The following ESRRG variants were observed in gnomAD, a reference collection of about 807,000 sequenced individuals.
The protein encoded by ESRRG is estrogen-related receptor gamma.
ESRRG carries 13 observed loss-of-function variants against 44.0 expected under a neutral mutation model. That is an observed-to-expected ratio of 0.30 (90% confidence interval 0.19 to 0.47). The LOEUF (loss-of-function observed/expected upper bound fraction) is 0.47. ESRRG is among the 20% of genes least tolerant of loss of function. ESRRG has a pLI of 1.00. For synonymous variants in ESRRG, 215 were observed against 214.6 expected (o/e 1.00, Z -0.02); for missense variants, 395 against 580.6 (o/e 0.68, Z 3.29).
At chr1:216,970,437 C>T (rs905400090) in intron 1 of ESRRG, among the ~76,000 whole-genome samples, 14 of 152,162 alleles carry the variant, frequency 9.2e-5, no homozygotes, top group Non-Finnish European at 8.8e-5. Flanking sequence ...TGCCTCCTGA[C>T]GGAATTTTTA....
At chr1:216,509,565 T>C (rs1306350098) in intron 6 of ESRRG, among the ~76,000 whole-genome samples, 1 of 152,140 alleles carries the variant, frequency 6.6e-6, no homozygotes. Context: ...GCAGGAGATA[T>C]ATTATAGGAT....
rs920800852 is a variant in ESRRG, at chr1:216,532,876, A to C, written c.863-13455T>G. ...AACAAATATCCAGAAGTTATGTGTA[A>C]ATCACAACGAGGTTGGGGGTTTTCT... On this transcript the variant is annotated intron_variant, in intron 5 of 6. Coordinates refer to ENST00000408911, the MANE Select transcript of ESRRG (RefSeq NM_001438.4). Among the ~76,000 whole-genome samples, 68 of 152,190 alleles carry C rather than the reference A, an allele frequency of 4.5e-4. 1 individual carries two copies. Among genetic ancestry groups the C allele is most frequent in the Admixed American group, 6.6e-5 (1 of 15,262 alleles).
chr1:217,012,478 T>G (rs1240721950), intron 1 of ESRRG, among the ~76,000 whole-genome samples: 1 of 152,172 alleles, frequency 6.6e-6, no homozygotes, highest in African/African-American at 2.4e-5. Context: ...GCATTTGAAA[T>G]AGCTCCTAAC....
chr1:217,078,085 T>C (rs1360229068), intron 1 of ESRRG: 1 of 152,222 alleles, frequency 6.6e-6, no homozygotes, highest in Non-Finnish European at 1.5e-5. Flanking sequence ...TGTATAATGG[T>C]TGATTGCAGC....
At chr1:216,771,622 A>G (rs1335784702) in intron 2 of ESRRG, among the ~76,000 whole-genome samples, 1 of 152,120 alleles carries the variant, frequency 6.6e-6, no homozygotes, top group African/African-American at 2.4e-5. Context: ...TGATGCTCAT[A>G]TACTGTATTT....
intron 3 of ESRRG, among the ~76,000 whole-genome samples, chr1:216,643,224 G>A (rs996351671): frequency 1.3e-5 from 2 of 152,164 alleles, no homozygotes; most frequent in African/African-American, 4.8e-5. Context: ...TGTATAATCT[G>A]TGCTCTCTCA....
chr1:216,620,121 A>C (rs2061989343), intron 3 of ESRRG, among the ~76,000 whole-genome samples: 1 of 152,170 alleles, frequency 6.6e-6, no homozygotes, highest in Non-Finnish European at 1.5e-5. Context: ...AGTTTTTTTA[A>C]GTCCAGGCTC....
chr1:216,859,958 C>A (rs1577333407), intron 2 of ESRRG, among the ~76,000 whole-genome samples: 1 of 152,200 alleles, frequency 6.6e-6, no homozygotes, highest in Non-Finnish European at 1.5e-5. Context: ...CAAAGTGACC[C>A]AGATGTTAGA....
chr1:216,785,562 T>A (rs573745657), intron 2 of ESRRG, among the ~76,000 whole-genome samples: 29 of 152,012 alleles, frequency 1.9e-4, no homozygotes, highest in African/African-American at 6.3e-4. Flanking sequence ...AGTGGCAATA[T>A]CAAGACAGAA....
At chr1:216,857,083 CCTT>C (rs1449312206) in intron 2 of ESRRG, among the ~76,000 whole-genome samples, 2 of 152,014 alleles carry the variant, frequency 1.3e-5, no homozygotes, top group Admixed American at 1.3e-4. Context: ...CAGTGGAACT[CCTT>C]CTAACGACTT....
At chr1:217,040,880 G>A (rs915221615) in intron 1 of ESRRG, among the ~76,000 whole-genome samples, 2 of 152,196 alleles carry the variant, frequency 1.3e-5, no homozygotes, top group Non-Finnish European at 1.5e-5. Flanking sequence ...CACAGATGGA[G>A]GGCCAGAAAT....
At chr1:216,683,028 T>TGTCATGTCAAGTGTCATGTCA (rs2077303091) in intron 1 of ESRRG, among the ~76,000 whole-genome samples, 1 of 152,148 alleles carries the variant, frequency 6.6e-6, no homozygotes, top group Non-Finnish European at 1.5e-5. Flanking sequence ...AAATCAACGG[T>TGTCATGTCAAGTGTCATGTCA]GCAACGTGTG....
chr1:216,981,334 G>GTACC (rs1560350324), intron 1 of ESRRG, among the ~76,000 whole-genome samples: 2 of 152,176 alleles, frequency 1.3e-5, no homozygotes. Flanking sequence ...GTGGTCAAGA[G>GTACC]TACCGGCTTT....
intron 3 of ESRRG, among the ~76,000 whole-genome samples, chr1:216,649,819 A>G (rs2068512018): frequency 1.3e-5 from 2 of 152,090 alleles, no homozygotes; most frequent in African/African-American, 4.8e-5. Flanking sequence ...AATATTGTTC[A>G]CAGTAAAAAT....
intron 5 of ESRRG, among the ~76,000 whole-genome samples, chr1:216,549,193 A>G (rs2055488366): frequency 6.6e-6 from 1 of 152,148 alleles, no homozygotes; most frequent in Admixed American, 6.6e-5. Flanking sequence ...GAAGAAAGAA[A>G]ATGAACAAAA....
chr1:217,034,588 T>A (rs1287218365), intron 1 of ESRRG, among the ~76,000 whole-genome samples: 1 of 152,186 alleles, frequency 6.6e-6, no homozygotes, highest in African/African-American at 2.4e-5. Context: ...TACTGACATC[T>A]AAACCACTAG....
At chr1:216,969,928 C>G (rs2071293042) in intron 1 of ESRRG, among the ~76,000 whole-genome samples, 1 of 152,084 alleles carries the variant, frequency 6.6e-6, no homozygotes, top group Admixed American at 6.6e-5. Context: ...TGTTTTCAAG[C>G]AAGAATGTTA....
chr1:216,785,675 T>TA (rs1375805529), intron 2 of ESRRG, among the ~76,000 whole-genome samples: 1 of 151,928 alleles, frequency 6.6e-6, no homozygotes, highest in Non-Finnish European at 1.5e-5. Flanking sequence ...GGGTCTCCTT[T>TA]AAAAAAAGAA....
At chr1:216,946,379 C>G (rs1254378737) in intron 1 of ESRRG, among the ~76,000 whole-genome samples, 1 of 152,114 alleles carries the variant, frequency 6.6e-6, no homozygotes, top group Non-Finnish European at 1.5e-5. Flanking sequence ...AAAACAAACC[C>G]ACACACAACA....
Sources: gnomAD v4.1 joint callset for allele counts (sites outside exome capture counted in the v4.1 genomes callset) on GRCh38, gnomAD v4.1.1 for gene constraint, MANE v1.5 for transcripts, NCBI Gene and HGNC (gene_info 2026-07-23, HGNC 2026-07-21) for gene names.